The following STIL variants were observed in gnomAD, a reference collection of about 807,000 sequenced individuals.
STIL encodes SCL-interrupting locus protein.
Under a neutral mutation model 110.1 loss-of-function variants are expected in STIL, and 55 were observed. The observed-to-expected ratio is 0.50, with a 90% confidence interval of 0.40 to 0.63. The LOEUF (loss-of-function observed/expected upper bound fraction) is 0.63. Ranked by LOEUF, STIL falls within the 20% of genes least tolerant of loss-of-function variation. The pLI, the probability that STIL is intolerant of heterozygous loss-of-function variation, is 0.00. For synonymous variants in STIL, 481 were observed against 530.0 expected, an observed-to-expected ratio of 0.91 and a Z score of 1.27; for missense variants, 1,358 against 1,530.0, an observed-to-expected ratio of 0.89 and a Z score of 1.87.
chr1:47,282,540 A>C, intron 10 of STIL, 81 bp from the exon 11 acceptor site: 1 of 826,936 alleles, frequency 1.2e-6, no homozygotes, highest in South Asian at 1.4e-5. Context: ...AAAGTCCTTT[A>C]ATAAGTTGCA....
chr1:47,272,592 G>C (rs1403396210), intron 12 of STIL, among the ~76,000 whole-genome samples: 1 of 151,962 alleles, frequency 6.6e-6, no homozygotes, highest in Non-Finnish European at 1.5e-5. Context: ...TGGGATGACA[G>C]CCATGCACCA....
Position 47,260,593 on chromosome 1 carries a change from C to T in STIL, c.2830-54G>A, listed in dbSNP as rs114760199. 1.1e-3 allele frequency: 1,761 copies of T among 1,580,308 alleles called. 15 individuals are homozygous for T. In the African/African-American group the frequency reaches 0.021, roughly 19 times the overall value. ...AAAATCACTATTAACAATGTTAGGG[C>T]TGGGTGTGGTGGTTCACACCTATAA... On this transcript the variant is annotated intron_variant, in intron 15 of 16. Coordinates refer to ENST00000371877, the MANE Select transcript of STIL (RefSeq NM_001048166.1).
intron 15 of STIL, among the ~76,000 whole-genome samples, chr1:47,261,673 G>A (rs111255810): frequency 4.0e-5 from 6 of 151,442 alleles, no homozygotes; most frequent in African/African-American, 1.5e-4. Flanking sequence ...CTGGGAGGCA[G>A]AAGCTGCAGT....
upstream of STIL, among the ~76,000 whole-genome samples, chr1:47,314,498 C>T (rs1334186152): frequency 3.9e-5 from 6 of 152,222 alleles, no homozygotes; most frequent in Non-Finnish European, 7.3e-5. Context: ...CGGAAGTGCT[C>T]TATAAGATGA....
chr1:47,289,845 G>A (rs1414486190), intron 8 of STIL, among the ~76,000 whole-genome samples: 9 of 150,964 alleles, frequency 6.0e-5, no homozygotes, highest in Non-Finnish European at 1.3e-4. Flanking sequence ...GGCTGAGGCA[G>A]GAGAATGGCG....
In STIL at chr1:47,251,005, C is replaced by G; in HGVS notation, c.*131G>C. On this transcript the variant is annotated 3_prime_UTR_variant, in exon 17 of 17. Transcript: ENST00000371877. The stretch of plus-strand genomic sequence containing the variant: ...AGCCAGCCATCTCACAGAAGTCACT[C>G]TTCCCAATTGGCTGCTACCAAGAAA... 1 of 829,578 alleles carries G rather than the reference C, an allele frequency of 1.2e-6. No homozygotes were observed. Among genetic ancestry groups the G allele is most frequent in the South Asian group, 1.8e-5 (1 of 54,990 alleles). The allele number at this position is 829,578 out of a possible 1,614,324, so 51.4% of individuals were successfully genotyped here.
At chr1:47,305,082 G>T in intron 2 of STIL, 86 bp from the exon 3 acceptor site, 1 of 891,048 alleles carries the variant, frequency 1.1e-6, no homozygotes, top group African/African-American at 1.7e-5. Flanking sequence ...TATCTTTAAG[G>T]TGATGGTATT....
chr1:47,298,920 T>C (rs1267829948), intron 6 of STIL, among the ~76,000 whole-genome samples: 1 of 152,124 alleles, frequency 6.6e-6, no homozygotes, highest in Non-Finnish European at 1.5e-5. Context: ...TTTTGTTTGT[T>C]TGTTATTTTT....
At chr1:47,286,041 A>ATTT (rs1645288878) in intron 10 of STIL, among the ~76,000 whole-genome samples, 1 of 151,176 alleles carries the variant, frequency 6.6e-6, no homozygotes, top group South Asian at 2.1e-4. Context: ...CGTCCGGCTA[A>ATTT]TTTTTGTATT....
chr1:47,260,063 G>A (rs959000121), intron 16 of STIL, among the ~76,000 whole-genome samples: 2 of 152,140 alleles, frequency 1.3e-5, no homozygotes, highest in Non-Finnish European at 2.9e-5. Context: ...ACTTATGTAT[G>A]TAACCCTCTC....
intron 14 of STIL, among the ~76,000 whole-genome samples, chr1:47,265,783 CAAAAAA>C (rs1179019596): frequency 7.6e-5 from 5 of 65,606 alleles, no homozygotes; most frequent in Admixed American, 4.3e-4. Context: ...AAGACTGTCT[CAAAAAA>C]AAAAAAAAAA....
chr1:47,258,992 C>CTTTTTTTTTTTTTTT lies in STIL; in HGVS notation c.3080+1296_3080+1297insAAAAAAAAAAAAAAA, dbSNP rs549227243. 3.6e-3 allele frequency among the ~76,000 whole-genome samples: 344 copies of CTTTTTTTTTTTTTTT among 94,352 alleles called. 66 individuals are homozygous for CTTTTTTTTTTTTTTT. The highest frequency in any genetic ancestry group is 7.7e-3 in the East Asian group (29 of 3,774). 61.9% of individuals were successfully genotyped at this position (94,352 alleles called of 152,430 possible). ...GAAATGGTTAAGAGAAGTAACTTTGCTTTTTTTTTTTTTTGAGACAGTCTT... is the reference window on the plus strand; with the variant it reads ...GAAATGGTTAAGAGAAGTAACTTTGCTTTTTTTTTTTTTTTTTTTTTTTTTTTTTGAGACAGTCTT... On this transcript the variant is annotated intron_variant, in intron 16 of 16. Transcript: ENST00000371877.
chr1:47,288,302 CTTT>C (rs908719332), intron 9 of STIL, among the ~76,000 whole-genome samples: 1 of 146,114 alleles, frequency 6.8e-6, no homozygotes. Flanking sequence ...TCTACTTCCT[CTTT>C]TTTTTTTTGA....
At chr1:47,313,118 T>G (rs1158679594) in intron 1 of STIL, 2 of 152,024 alleles carry the variant, frequency 1.3e-5, no homozygotes, top group Admixed American at 1.3e-4. Flanking sequence ...GAAGTCAGGA[T>G]TTCCAGACCA....
chr1:47,271,064 ACT>A lies in STIL; in HGVS notation c.2383+1010_2383+1011del, dbSNP rs531501069. Among the ~76,000 whole-genome samples the A allele has an allele frequency of 6.6e-5, 10 of 151,740 alleles. No individual in the cohort carries two copies. In the South Asian group the frequency reaches 1.7e-3, roughly 25 times the overall value. On this transcript the variant is annotated intron_variant, in intron 13 of 16. Coordinates refer to ENST00000371877, the MANE Select transcript of STIL (RefSeq NM_001048166.1). The stretch of plus-strand genomic sequence containing the variant: ...GTTTACTTACTCTTTCTTTAAATTA[ACT>A]CTTTTTTTACTGAGCCTCATTATTT...
At chr1:47,262,871 T>C (rs1370499243) in intron 15 of STIL, 32 bp downstream of exon 15, 1 of 1,603,598 alleles carries the variant, frequency 6.2e-7, no homozygotes, top group Non-Finnish European at 8.5e-7. Flanking sequence ...AATAACCTTC[T>C]CAAAAAGATG....
At chr1:47,267,667 T>A (rs867799976) in intron 14 of STIL, among the ~76,000 whole-genome samples, 4 of 110,628 alleles carry the variant, frequency 3.6e-5, no homozygotes, top group African/African-American at 3.5e-5. Context: ...AGCGAGTATC[T>A]AAAAAAAAAA....
At chr1:47,271,667 G>A (rs112033461) in intron 13 of STIL, among the ~76,000 whole-genome samples, 7 of 151,694 alleles carry the variant, frequency 4.6e-5, no homozygotes, top group South Asian at 2.1e-4. Context: ...CTGGCTGGAC[G>A]CGGTGGCTCA....
intron 13 of STIL, among the ~76,000 whole-genome samples, chr1:47,270,247 T>TACACACAC (rs1471336626): frequency 3.1e-5 from 3 of 97,780 alleles, no homozygotes; most frequent in African/African-American, 4.4e-5. Flanking sequence ...AAAAAATATA[T>TACACACAC]ATATATATAC....
Sources: gnomAD v4.1 joint callset for allele counts (sites outside exome capture counted in the v4.1 genomes callset) on GRCh38, gnomAD v4.1.1 for gene constraint, MANE v1.5 for transcripts, NCBI Gene and HGNC (gene_info 2026-07-23, HGNC 2026-07-21) for gene names.